Variants in FMN2 observed in about 807,000 individuals in gnomAD.
The protein encoded by FMN2 is formin-2.
In FMN2, 51 loss-of-function variants were observed where a neutral mutation model predicts 142.3. The ratio of observed to expected loss-of-function variants is 0.36; its 90% CI spans 0.29 to 0.45. FMN2 has a LOEUF of 0.45. Among genes scored for constraint, FMN2 ranks in the 20% least tolerant of loss-of-function variants. The pLI is 1.00. For synonymous variants in FMN2, 882 were observed against 869.8 expected (o/e 1.01, Z -0.25); for missense variants, 1,936 against 2,122.8 (o/e 0.91, Z 1.73).
intron 14 of FMN2, among the ~76,000 whole-genome samples, chr1:240,361,132 A>AATAAATATAT (rs1672450710): frequency 5.6e-5 from 2 of 35,734 alleles, no homozygotes; most frequent in African/African-American, 1.1e-4. Context: ...ATAATAAATA[A>AATAAATATAT]ATATATGTGT....
At chr1:240,246,379 TG>T (rs1668084894) in intron 6 of FMN2, among the ~76,000 whole-genome samples, 1 of 152,132 alleles carries the variant, frequency 6.6e-6, no homozygotes, top group African/African-American at 2.4e-5. Context: ...AGGGATCACT[TG>T]AGCCTGGGAG....
At chr1:240,446,689 C>T (rs962737229) in intron 16 of FMN2, among the ~76,000 whole-genome samples, 2 of 152,112 alleles carry the variant, frequency 1.3e-5, no homozygotes, top group African/African-American at 4.8e-5. Flanking sequence ...GAAGTACAGA[C>T]CTGTTGAATT....
At chr1:240,324,078 T>C (rs1417858281) in intron 8 of FMN2, among the ~76,000 whole-genome samples, 2 of 152,196 alleles carry the variant, frequency 1.3e-5, no homozygotes, top group Non-Finnish European at 2.9e-5. Context: ...TGGGATTTGC[T>C]AGCCCTTGTT....
At chr1:240,137,651 C>A (rs1663000414) in intron 2 of FMN2, among the ~76,000 whole-genome samples, 1 of 152,074 alleles carries the variant, frequency 6.6e-6, no homozygotes, top group Non-Finnish European at 1.5e-5. Flanking sequence ...GTGTAGCTTA[C>A]TGTGGAAAGG....
At chr1:240,353,757 A>G (rs527325703) in intron 13 of FMN2, among the ~76,000 whole-genome samples, 8 of 152,300 alleles carry the variant, frequency 5.3e-5, no homozygotes, top group Admixed American at 5.2e-4. Flanking sequence ...TACAGGTAAC[A>G]TGCTTAATGT....
At chr1:240,198,984 AG>A (rs1318301688) in intron 4 of FMN2, among the ~76,000 whole-genome samples, 3 of 152,164 alleles carry the variant, frequency 2.0e-5, no homozygotes, top group Non-Finnish European at 1.5e-5. Context: ...TTGTGCCTGT[AG>A]TCCCAGCTAC....
chr1:240,383,432 A>T (rs1361895245), intron 14 of FMN2, among the ~76,000 whole-genome samples: 1 of 152,198 alleles, frequency 6.6e-6, no homozygotes, highest in African/African-American at 2.4e-5. Flanking sequence ...AGACAATCCC[A>T]TTAAAAAGTT....
chr1:240,282,274 T>G (rs1243088737), intron 7 of FMN2, among the ~76,000 whole-genome samples: 1 of 152,164 alleles, frequency 6.6e-6, no homozygotes, highest in African/African-American at 2.4e-5. Context: ...AGAGCCCTGT[T>G]TTTAGTTCAG....
intron 3 of FMN2, among the ~76,000 whole-genome samples, chr1:240,180,566 C>CTTTCTTTTTT (rs377033509): frequency 1.0e-4 from 13 of 126,142 alleles, no homozygotes; most frequent in East Asian, 2.3e-4. Context: ...CACATGACCC[C>CTTTCTTTTTT]TTTTTTTTTT....
chr1:240,221,739 TCCC>T (rs1558376020), intron 6 of FMN2, among the ~76,000 whole-genome samples: 25 of 152,272 alleles, frequency 1.6e-4, no homozygotes, highest in Middle Eastern at 3.4e-3. Context: ...TTTAATTAGA[TCCC>T]GTTTGTCAAT....
chr1:240,329,276 T>A, intron 9 of FMN2, 63 bp from the exon 10 acceptor site: 1 of 1,598,578 alleles, frequency 6.3e-7, no homozygotes, highest in Non-Finnish European at 8.5e-7. Flanking sequence ...GTGAATGAGA[T>A]GAGGATAAAC....
intron 6 of FMN2, among the ~76,000 whole-genome samples, chr1:240,221,175 CAT>C (rs1399933954): frequency 6.6e-6 from 1 of 152,170 alleles, no homozygotes; most frequent in Non-Finnish European, 1.5e-5. Flanking sequence ...CTGCAATAAA[CAT>C]ATGTGTGCAT....
At chr1:240,372,158 C>T (rs562529729) in intron 14 of FMN2, among the ~76,000 whole-genome samples, 1 of 152,210 alleles carries the variant, frequency 6.6e-6, no homozygotes, top group Admixed American at 6.5e-5. Context: ...ATTGCTTGAA[C>T]CTGGGAGGCA....
chr1:240,354,540 G>A (rs1368813244), intron 13 of FMN2, among the ~76,000 whole-genome samples: 1 of 152,180 alleles, frequency 6.6e-6, no homozygotes. Flanking sequence ...CATCCAGCCT[G>A]CAAGAGGCTA....
At chr1:240,233,447 A>G (rs1349319572) in intron 6 of FMN2, among the ~76,000 whole-genome samples, 1 of 152,088 alleles carries the variant, frequency 6.6e-6, no homozygotes, top group Non-Finnish European at 1.5e-5. Context: ...TTTCTTTCTC[A>G]AAGCATGTAA....
intron 13 of FMN2, among the ~76,000 whole-genome samples, chr1:240,339,997 A>C (rs750127028): frequency 3.3e-4 from 50 of 152,100 alleles, no homozygotes; most frequent in Non-Finnish European, 6.0e-4. Flanking sequence ...TTTGTATACT[A>C]TACAATTTTA....
rs1316689994 is a variant in FMN2, at chr1:240,137,901, C to T, written c.1782+14556C>T. On this transcript the variant is annotated intron_variant, in intron 2 of 17. Transcript: ENST00000319653. ...GGTCAGAAGTTTGAGACCAGCCTGG[C>T]CAACATGGTGAAACCTTGTCTCTAC... is the stretch of plus-strand genomic sequence containing the variant. 2.0e-5 allele frequency among the ~76,000 whole-genome samples: 3 copies of T among 151,812 alleles called. No individual in the cohort carries two copies. In the East Asian group the frequency reaches 5.8e-4, roughly 29 times the overall value.
At chr1:240,197,094 T>C (rs952316000) in intron 4 of FMN2, among the ~76,000 whole-genome samples, 8 of 152,118 alleles carry the variant, frequency 5.3e-5, no homozygotes, top group Non-Finnish European at 1.0e-4. Context: ...GTAATAGGGT[T>C]GGGACTTTCT....
intron 1 of FMN2, among the ~76,000 whole-genome samples, chr1:240,099,916 C>T (rs1340739156): frequency 6.6e-6 from 1 of 152,166 alleles, no homozygotes; most frequent in African/African-American, 2.4e-5. Context: ...ATCTCCTCTC[C>T]TACTAATCTG....
Sources: allele counts gnomAD v4.1 joint callset (sites outside exome capture counted in the v4.1 genomes callset), GRCh38; gene constraint gnomAD v4.1.1; transcripts MANE v1.5; gene names NCBI Gene and HGNC (gene_info 2026-07-23, HGNC 2026-07-21).